NOCT: variants seen among roughly 807,000 people sequenced by gnomAD.
The protein encoded by NOCT is CCR4 carbon catabolite repression 4-like.
A neutral mutation model predicts 35.0 loss-of-function variants in NOCT; 18 were observed. The ratio of observed to expected loss-of-function variants is 0.51; its 90% confidence interval spans 0.36 to 0.76. The LOEUF (loss-of-function observed/expected upper bound fraction) is 0.76, where lower values mean the gene tolerates loss of function less well. Ranked by LOEUF, NOCT falls within the 30% of genes least tolerant of loss-of-function variation. The probability of loss-of-function intolerance (pLI) is 0.01; values close to 1 mark genes in which losing one functional copy is unlikely to be tolerated. For synonymous variants in NOCT, 235 were observed against 226.3 expected (o/e 1.04, Z -0.34); for missense variants, 479 against 541.0 (o/e 0.89, Z 1.14).
chr4:139,038,544 A>T (rs756826719), intron 1 of NOCT, among the ~76,000 whole-genome samples: 1 of 152,242 alleles, frequency 6.6e-6, no homozygotes, highest in Admixed American at 6.5e-5. Context: ...CTAAAAGACA[A>T]CAGGGAATGA....
intron 1 of NOCT, among the ~76,000 whole-genome samples, chr4:139,041,309 A>AT (rs1485515855): frequency 2.0e-5 from 3 of 152,334 alleles, no homozygotes; most frequent in Admixed American, 2.0e-4. Context: ...TTGAGATGTG[A>AT]TTGATAAGCC....
intron 1 of NOCT, among the ~76,000 whole-genome samples, chr4:139,039,014 C>G (rs1436467043): frequency 6.6e-6 from 1 of 151,870 alleles, no homozygotes; most frequent in East Asian, 1.9e-4. Context: ...TGTGTGTGTA[C>G]TTAACAACAC....
chr4:139,031,716 GT>G (rs1726627950), intron 1 of NOCT, among the ~76,000 whole-genome samples: 1 of 151,786 alleles, frequency 6.6e-6, no homozygotes, highest in Non-Finnish European at 1.5e-5. Context: ...TGTGGGTTTT[GT>G]TTTGTTTTGT....
intron 1 of NOCT, among the ~76,000 whole-genome samples, chr4:139,038,419 C>A (rs1726773141): frequency 1.3e-5 from 2 of 151,742 alleles, no homozygotes; most frequent in Admixed American, 1.3e-4. Flanking sequence ...AGGTAGATGA[C>A]CAGATTTGAT....
chr4:139,023,871 A>G (rs1421913084), intron 1 of NOCT, among the ~76,000 whole-genome samples: 1 of 152,130 alleles, frequency 6.6e-6, no homozygotes, highest in African/African-American at 2.4e-5. Context: ...TTGGTATTCA[A>G]AAGATCCATC....
chr4:139,028,193 T>C lies in NOCT; in HGVS notation c.190+12022T>C, dbSNP rs188533534. On this transcript the variant is annotated intron_variant, in intron 1 of 2. Transcript: ENST00000280614. The stretch of plus-strand genomic sequence containing the variant: ...AAATGATTTGTCAGCCAATAGACAA[T>C]TGAGCACCAGTCGAACATGTTAAAC... 3 of 152,360 alleles carry C rather than the reference T, an allele frequency of 2.0e-5. No individual in the cohort carries two copies. In the East Asian group the frequency reaches 5.8e-4, roughly 29 times the overall value. 9.4% of individuals were successfully genotyped at this position (152,360 alleles called of 1,614,324 possible).
At chr4:139,020,556 G>A (rs1460347894) in intron 1 of NOCT, among the ~76,000 whole-genome samples, 1 of 152,188 alleles carries the variant, frequency 6.6e-6, no homozygotes, top group Non-Finnish European at 1.5e-5. Flanking sequence ...AGAATCATTT[G>A]GGACAGTTGT....
chr4:139,017,620 A>G (rs938376610), intron 1 of NOCT, among the ~76,000 whole-genome samples: 5 of 150,860 alleles, frequency 3.3e-5, no homozygotes, highest in African/African-American at 7.3e-5. Flanking sequence ...ACCCGAGGTC[A>G]GGAGTTCGTG....
intron 1 of NOCT, among the ~76,000 whole-genome samples, chr4:139,017,154 C>T (rs1269681879): frequency 6.6e-6 from 1 of 150,506 alleles, no homozygotes; most frequent in Non-Finnish European, 1.5e-5. Context: ...ACCATGGCCA[C>T]AAATTACATA....
chr4:139,029,918 A>G (rs1037787599), intron 1 of NOCT, among the ~76,000 whole-genome samples: 2 of 152,146 alleles, frequency 1.3e-5, no homozygotes, highest in African/African-American at 4.8e-5. Context: ...TTTTGAGACA[A>G]TCTTGCTCTG....
intron 1 of NOCT, among the ~76,000 whole-genome samples, chr4:139,022,673 A>G (rs1297037230): frequency 1.3e-5 from 2 of 152,186 alleles, no homozygotes; most frequent in Non-Finnish European, 2.9e-5. Flanking sequence ...GTTAGAGACC[A>G]CTGTTGGATT....
At chr4:139,023,101 A>C (rs76719279) in intron 1 of NOCT, among the ~76,000 whole-genome samples, 5 of 145,464 alleles carry the variant, frequency 3.4e-5, no homozygotes. Context: ...ACTCCATCTC[A>C]AAAAAAAAAA....
Position 139,015,875 on chromosome 4 carries a change from G to A in NOCT, c.-107G>A, listed in dbSNP as rs1726282361. Reference sequence around the variant, plus strand: ...GCGCCGCGCGAGAAGGAGCCTGGGAGCATCCGCCCACACTGCCCGGACAGT... The same window carrying A: ...GCGCCGCGCGAGAAGGAGCCTGGGAACATCCGCCCACACTGCCCGGACAGT... On this transcript the variant is annotated 5_prime_UTR_variant, in exon 1 of 3. Transcript: ENST00000280614. The A allele has an allele frequency of 3.4e-6, 3 of 886,750 alleles. No homozygotes were observed. Among genetic ancestry groups the A allele is most frequent in the East Asian group, 7.6e-5 (2 of 26,282 alleles). 54.9% of individuals were successfully genotyped at this position (886,750 alleles called of 1,614,324 possible).
intron 1 of NOCT, among the ~76,000 whole-genome samples, chr4:139,033,423 C>T (rs1726663544): frequency 2.0e-5 from 3 of 151,566 alleles, no homozygotes; most frequent in African/African-American, 7.3e-5. Flanking sequence ...GTAATCCCAG[C>T]ACTTTGAGAG....
chr4:139,039,391 C>T (rs1726794744), intron 1 of NOCT, among the ~76,000 whole-genome samples: 1 of 151,282 alleles, frequency 6.6e-6, no homozygotes, highest in Non-Finnish European at 1.5e-5. Context: ...TACTAGACCA[C>T]TTGGTGTTGG....
At chr4:139,040,584 A>C (rs1416279312) in intron 1 of NOCT, among the ~76,000 whole-genome samples, 1 of 152,158 alleles carries the variant, frequency 6.6e-6, no homozygotes, top group Non-Finnish European at 1.5e-5. Context: ...TCATTTTTGC[A>C]TGGTAGTTTT....
Position 139,031,990 on chromosome 4 carries a change from G to A in NOCT, c.191-11084G>A, listed in dbSNP as rs566742685. 2.6e-5 allele frequency among the ~76,000 whole-genome samples: 4 copies of A among 152,306 alleles called. No individual in the cohort carries two copies. In the South Asian group the frequency reaches 8.3e-4, roughly 32 times the overall value. ...GGCCTCCCAAAGTGCTGGGATTACA[G>A]GGGTGAGCTACCACGCCCAGCCTCC... On this transcript the variant is annotated intron_variant, in intron 1 of 2. Coordinates refer to ENST00000280614, the MANE Select transcript of NOCT (RefSeq NM_012118.4).
intron 1 of NOCT, among the ~76,000 whole-genome samples, chr4:139,036,217 G>A (rs531436185): frequency 5.5e-4 from 83 of 152,192 alleles, no homozygotes; most frequent in Admixed American, 1.3e-3. Context: ...GGTAGTGTCT[G>A]GTACACGGTA....
intron 1 of NOCT, among the ~76,000 whole-genome samples, chr4:139,032,855 TTATG>T: frequency 6.6e-6 from 1 of 152,246 alleles, no homozygotes; most frequent in South Asian, 2.1e-4. Context: ...CAACATGTAT[TTATG>T]TATGAAAGGA....
Sources: allele counts gnomAD v4.1 joint callset (sites outside exome capture counted in the v4.1 genomes callset), GRCh38; gene constraint gnomAD v4.1.1; transcripts MANE v1.5; gene names NCBI Gene and HGNC (gene_info 2026-07-23, HGNC 2026-07-21).